FGF14: variants seen among roughly 807,000 people sequenced by gnomAD.
FGF14 encodes fibroblast growth factor 14.
In FGF14, 5 loss-of-function variants were observed where a neutral mutation model predicts 25.5. The observed-to-expected ratio is 0.20, with a 90% CI of 0.10 to 0.41. FGF14 has a LOEUF of 0.41. Among genes scored for constraint, FGF14 ranks in the 10% least tolerant of loss-of-function variants. The pLI, the probability that FGF14 is intolerant of heterozygous loss-of-function variation, is 1.00. For missense variants in FGF14, 222 were observed against 320.1 expected, an observed-to-expected ratio of 0.69 and a Z score of 2.34; for synonymous variants, 138 against 118.3, an observed-to-expected ratio of 1.17 and a Z score of -1.08.
At chr13:102,230,693 T>C (rs980768578) in intron 1 of FGF14, among the ~76,000 whole-genome samples, 3 of 152,196 alleles carry the variant, frequency 2.0e-5, no homozygotes, top group African/African-American at 7.2e-5. Flanking sequence ...GGAAAGAACT[T>C]GTGTCATTTA....
At chr13:102,149,965 C>G (rs1375413638) in intron 1 of FGF14, among the ~76,000 whole-genome samples, 1 of 152,050 alleles carries the variant, frequency 6.6e-6, no homozygotes, top group African/African-American at 2.4e-5. Flanking sequence ...AATTCGAAGA[C>G]AAAAATCATT....
intron 1 of FGF14, among the ~76,000 whole-genome samples, chr13:101,996,420 G>A (rs1003088144): frequency 3.9e-5 from 6 of 152,110 alleles, no homozygotes; most frequent in Admixed American, 1.3e-4. Flanking sequence ...ATGGAGACAA[G>A]GACAGTTGTT....
chr13:101,773,567 C>G (rs2038912141), intron 3 of FGF14, among the ~76,000 whole-genome samples: 1 of 151,964 alleles, frequency 6.6e-6, no homozygotes, highest in Non-Finnish European at 1.5e-5. Flanking sequence ...TGGCAAAATA[C>G]AATTTTATAG....
intron 1 of FGF14, among the ~76,000 whole-genome samples, chr13:102,146,360 T>A (rs1262029347): frequency 6.6e-6 from 1 of 152,046 alleles, no homozygotes; most frequent in Non-Finnish European, 1.5e-5. Context: ...AAGGTAAGCA[T>A]TAGTATAGCA....
chr13:102,020,127 A>C (rs2040558136), intron 1 of FGF14, among the ~76,000 whole-genome samples: 1 of 152,080 alleles, frequency 6.6e-6, no homozygotes, highest in African/African-American at 2.4e-5. Flanking sequence ...TGAATTTCTG[A>C]GAAAGGGATG....
chr13:102,322,310 A>G (rs2138766285), intron 1 of FGF14, among the ~76,000 whole-genome samples: 1 of 152,304 alleles, frequency 6.6e-6, no homozygotes, highest in Non-Finnish European at 1.5e-5. Context: ...CATGGTATCA[A>G]AGGAAGTCAG....
At position 101,715,338 on chromosome 13, in the gene FGF14, T is replaced by A. The variant is rs1313563295; in HGVS notation, c.*7493A>T. 2.0e-6 allele frequency: 1 copy of A among 508,738 alleles called. No homozygotes were observed. The highest frequency in any genetic ancestry group is 3.5e-6 in the Non-Finnish European group (1 of 283,308). The allele number at this position is 508,738 out of a possible 1,614,324, so 31.5% of individuals were successfully genotyped here. Reference sequence around the variant, plus strand: ...CTGGAGTGATACAGGATGGTGACTATCTGATCGGTAAAGGGTGGCACCAAA... The same window carrying A: ...CTGGAGTGATACAGGATGGTGACTAACTGATCGGTAAAGGGTGGCACCAAA... On this transcript the variant is annotated 3_prime_UTR_variant, in exon 5 of 5. Coordinates refer to ENST00000376143, the MANE Select transcript of FGF14 (RefSeq NM_004115.4).
At chr13:102,302,170 A>G (rs567826654) in intron 1 of FGF14, among the ~76,000 whole-genome samples, 3 of 152,278 alleles carry the variant, frequency 2.0e-5, no homozygotes, top group African/African-American at 4.8e-5. Context: ...TTAAAATACT[A>G]TATCTAGCAT....
intron 3 of FGF14, among the ~76,000 whole-genome samples, chr13:101,827,581 A>C (rs1252496483): frequency 6.6e-6 from 1 of 151,926 alleles, no homozygotes; most frequent in Non-Finnish European, 1.5e-5. Flanking sequence ...ATACCTGTGA[A>C]AGTATGTGCT....
chr13:101,894,040 C>G (rs1448120389), intron 1 of FGF14, among the ~76,000 whole-genome samples: 1 of 150,014 alleles, frequency 6.7e-6, no homozygotes, highest in Non-Finnish European at 1.5e-5. Context: ...TTTTTTCACA[C>G]TTTTTATCTT....
chr13:101,929,978 T>C (rs2034641219), intron 1 of FGF14, among the ~76,000 whole-genome samples: 1 of 152,242 alleles, frequency 6.6e-6, no homozygotes, highest in Admixed American at 6.5e-5. Flanking sequence ...AAAAAGTCTG[T>C]AGCTGTGGAG....
chr13:101,798,711 G>A (rs1050907129), intron 3 of FGF14, among the ~76,000 whole-genome samples: 1 of 152,118 alleles, frequency 6.6e-6, no homozygotes, highest in Non-Finnish European at 1.5e-5. Context: ...GTGGAATCAT[G>A]GGTTGCATTT....
chr13:102,157,706 A>G (rs2140543282), intron 1 of FGF14, among the ~76,000 whole-genome samples: 1 of 152,276 alleles, frequency 6.6e-6, no homozygotes, highest in East Asian at 1.9e-4. Flanking sequence ...AAATTAAACT[A>G]AAGAGCTTCT....
At chr13:102,246,831 T>C (rs912112946) in intron 1 of FGF14, among the ~76,000 whole-genome samples, 5 of 151,788 alleles carry the variant, frequency 3.3e-5, no homozygotes, top group Non-Finnish European at 7.4e-5. Flanking sequence ...CACGTAACCC[T>C]TCAAACTATA....
chr13:102,391,558 A>T (rs2058433338), intron 1 of FGF14, among the ~76,000 whole-genome samples: 1 of 152,242 alleles, frequency 6.6e-6, no homozygotes. Context: ...GATCTCATTA[A>T]AAGTATTTCC....
chr13:101,898,944 G>A (rs1225280213), intron 1 of FGF14, among the ~76,000 whole-genome samples: 3 of 152,156 alleles, frequency 2.0e-5, no homozygotes, highest in Admixed American at 2.0e-4. Flanking sequence ...CAAAAGTGGA[G>A]GAAGGCAAAA....
At chr13:102,010,182 A>T (rs2040006277) in intron 1 of FGF14, among the ~76,000 whole-genome samples, 1 of 152,166 alleles carries the variant, frequency 6.6e-6, no homozygotes, top group Admixed American at 6.5e-5. Flanking sequence ...ATAACTCCTC[A>T]CTTTAGTTTA....
chr13:101,825,042 C>T (rs1006655451), intron 3 of FGF14, among the ~76,000 whole-genome samples: 5 of 152,154 alleles, frequency 3.3e-5, no homozygotes, highest in Admixed American at 6.6e-5. Context: ...TGTAATAAAT[C>T]GGCCATTGGT....
intron 3 of FGF14, among the ~76,000 whole-genome samples, chr13:101,747,841 A>G (rs952730946): frequency 2.0e-5 from 3 of 152,060 alleles, no homozygotes; most frequent in Admixed American, 1.3e-4. Flanking sequence ...AAGAAGACAT[A>G]CAAATGGCCA....
Sources: gnomAD v4.1 joint callset for allele counts (sites outside exome capture counted in the v4.1 genomes callset) on GRCh38, gnomAD v4.1.1 for gene constraint, MANE v1.5 for transcripts, NCBI Gene and HGNC (gene_info 2026-07-23, HGNC 2026-07-21) for gene names.